The following SVIL variants were observed in gnomAD, a reference collection of about 807,000 sequenced individuals.
SVIL encodes the protein archvillin.
Under a neutral mutation model 240.4 loss-of-function variants are expected in SVIL, and 101 were observed. The ratio of observed to expected loss-of-function variants is 0.42; its 90% CI spans 0.36 to 0.50. The LOEUF is 0.50. Among genes scored for constraint, SVIL ranks in the 20% least tolerant of loss-of-function variants. The pLI, the probability that SVIL is intolerant of heterozygous loss-of-function variation, is 0.01. For synonymous variants in SVIL, 999 were observed against 1,100.0 expected (o/e 0.91, Z 1.82); for missense variants, 2,512 against 2,818.7 (o/e 0.89, Z 2.46).
chr10:29,688,685 T>C (rs1250138016), intron 1 of SVIL, among the ~76,000 whole-genome samples: 6 of 152,152 alleles, frequency 3.9e-5, no homozygotes, highest in Non-Finnish European at 8.8e-5. Flanking sequence ...CAAAAATGTC[T>C]AGGGTAACAC....
chr10:29,646,304 C>T (rs113780658), intron 3 of SVIL, among the ~76,000 whole-genome samples: 329 of 152,268 alleles, frequency 2.2e-3, no homozygotes, highest in African/African-American at 7.6e-3. Flanking sequence ...TCTCAAATAC[C>T]TCTTTGGGAA....
chr10:29,592,922 T>C (rs1196949619), intron 1 of SVIL, among the ~76,000 whole-genome samples: 1 of 152,218 alleles, frequency 6.6e-6, no homozygotes, highest in Non-Finnish European at 1.5e-5. Context: ...GAATTTCAAC[T>C]CACTTTCTAA....
chr10:29,617,969 C>T (rs1407200393), intron 1 of SVIL, among the ~76,000 whole-genome samples: 1 of 152,232 alleles, frequency 6.6e-6, no homozygotes, highest in Non-Finnish European at 1.5e-5. Context: ...GCCATCATTA[C>T]ATTATCATGG....
At chr10:29,602,954 C>T (rs1263400002) in intron 1 of SVIL, among the ~76,000 whole-genome samples, 2 of 151,946 alleles carry the variant, frequency 1.3e-5, no homozygotes, top group East Asian at 3.9e-4. Flanking sequence ...CCATTGCATT[C>T]CAGCCTGGGC....
intron 16 of SVIL, among the ~76,000 whole-genome samples, chr10:29,518,578 G>A (rs535546463): frequency 5.3e-4 from 80 of 152,092 alleles, no homozygotes; most frequent in Non-Finnish European, 9.7e-4. Flanking sequence ...AATGAAAGCC[G>A]GGCGCAGTGG....
chr10:29,531,236 A>T lies in SVIL; in HGVS notation c.2044+18T>A. ...GATGAGATAATAAAGAAGAAAAAAA[A>T]GGGAAACAGGTACTTGCCATCGACA... is the stretch of plus-strand genomic sequence containing the variant. On this transcript the variant is annotated intron_variant, in intron 10 of 37. Transcript: ENST00000355867. The T allele has an allele frequency of 6.2e-7, 1 of 1,612,902 alleles. No homozygotes were observed. Among genetic ancestry groups the T allele is most frequent in the Non-Finnish European group, 8.5e-7 (1 of 1,179,548 alleles).
At chr10:29,643,839 G>C in intron 3 of SVIL, 1 of 353,628 alleles carries the variant, frequency 2.8e-6, no homozygotes, top group Non-Finnish European at 5.8e-6. Flanking sequence ...TAGCTTCAGA[G>C]CAATGGGTGT....
intron 29 of SVIL, among the ~76,000 whole-genome samples, chr10:29,476,376 G>C (rs1946192946): frequency 6.6e-6 from 1 of 152,158 alleles, no homozygotes. Context: ...AAACAGACTT[G>C]AGTGTATATA....
chr10:29,576,371 G>A (rs1213333688), intron 1 of SVIL, among the ~76,000 whole-genome samples: 1 of 152,028 alleles, frequency 6.6e-6, no homozygotes, highest in Non-Finnish European at 1.5e-5. Context: ...ATCTCTAAGA[G>A]GTGATATTCA....
intron 1 of SVIL, among the ~76,000 whole-genome samples, chr10:29,692,824 G>T (rs1961619355): frequency 6.6e-6 from 1 of 152,034 alleles, no homozygotes; most frequent in African/African-American, 2.4e-5. Context: ...TAAAAATATA[G>T]AAACACTAGT....
chr10:29,477,027 T>C (rs1946271812), intron 29 of SVIL, among the ~76,000 whole-genome samples: 1 of 152,134 alleles, frequency 6.6e-6, no homozygotes, highest in African/African-American at 2.4e-5. Flanking sequence ...TATGCCCAGC[T>C]AACTTTTTGT....
intron 2 of SVIL, among the ~76,000 whole-genome samples, chr10:29,671,739 A>AT (rs1295832049): frequency 1.3e-5 from 2 of 152,104 alleles, no homozygotes; most frequent in Non-Finnish European, 2.9e-5. Context: ...CTCTATTCCT[A>AT]TTTTTTTAAA....
chr10:29,726,176 C>T (rs1180163045), intron 1 of SVIL, among the ~76,000 whole-genome samples: 1 of 152,140 alleles, frequency 6.6e-6, no homozygotes, highest in African/African-American at 2.4e-5. Context: ...CCTGCCTCAG[C>T]CTCCCAACAT....
intron 3 of SVIL, among the ~76,000 whole-genome samples, chr10:29,561,119 C>T (rs1954430447): frequency 6.8e-6 from 1 of 146,160 alleles, no homozygotes; most frequent in Non-Finnish European, 1.5e-5. Context: ...CCATGCCCAG[C>T]CGGGGCACTG....
At chr10:29,728,925 G>A in intron 1 of SVIL, among the ~76,000 whole-genome samples, 1 of 152,144 alleles carries the variant, frequency 6.6e-6, no homozygotes, top group African/African-American at 2.4e-5. Flanking sequence ...CTGCCGGGAG[G>A]TGGCTGGGCG....
intron 1 of SVIL, among the ~76,000 whole-genome samples, chr10:29,604,952 G>A (rs2132852529): frequency 6.6e-6 from 1 of 152,316 alleles, no homozygotes; most frequent in South Asian, 2.1e-4. Flanking sequence ...GGTTCTATCT[G>A]CGATTTCAGG....
At chr10:29,488,785 G>A (rs1461388000) in intron 22 of SVIL, 29 bp from the exon 23 acceptor site, 2 of 1,597,912 alleles carry the variant, frequency 1.3e-6, no homozygotes, top group Admixed American at 1.8e-5. Context: ...GAAACACAAC[G>A]CAGGAGGTTC....
intron 36 of SVIL, 96 bp from the exon 37 acceptor site, chr10:29,458,685 A>G: frequency 7.2e-7 from 1 of 1,393,290 alleles, no homozygotes; most frequent in South Asian, 1.4e-5. Context: ...TGCCACCTGC[A>G]TACTGCCTGA....
rs553156510 is a variant in SVIL at position 29,682,456 on chromosome 10, T to C, written c.-301+4097A>G. Among the ~76,000 whole-genome samples the C allele has an allele frequency of 2.6e-4, 39 of 152,346 alleles. No homozygotes were observed. In the South Asian group the frequency reaches 3.3e-3, roughly 13 times the overall value. On this transcript the variant is annotated intron_variant, in intron 2 of 35. Transcript: ENST00000375400. ...CAGACACTGCTCTAGGTTCCTGGCATAAAGTAGCAACCAAAACAGAAAGAA... is the reference window on the plus strand; with the variant it reads ...CAGACACTGCTCTAGGTTCCTGGCACAAAGTAGCAACCAAAACAGAAAGAA...
Sources: allele counts gnomAD v4.1 joint callset (sites outside exome capture counted in the v4.1 genomes callset), GRCh38; gene constraint gnomAD v4.1.1; transcripts MANE v1.5; gene names NCBI Gene and HGNC (gene_info 2026-07-23, HGNC 2026-07-21).